Variants in DCDC1 observed in about 807,000 individuals in gnomAD.
The protein encoded by DCDC1 is doublecortin domain-containing protein 1.
Under a neutral mutation model 178.3 loss-of-function variants are expected in DCDC1, and 200 were observed. The ratio of observed to expected loss-of-function variants is 1.12; its 90% CI spans 1.00 to 1.26. DCDC1 has a LOEUF of 1.26. DCDC1 is among the 50% of genes most tolerant of loss of function. The pLI, the probability that DCDC1 is intolerant of heterozygous loss-of-function variation, is 0.00. For synonymous variants in DCDC1, 690 were observed against 604.8 expected, an observed-to-expected ratio of 1.14 and a Z score of -2.07; for missense variants, 1,983 against 1,749.2, an observed-to-expected ratio of 1.13 and a Z score of -2.38.
intron 18 of DCDC1, among the ~76,000 whole-genome samples, chr11:31,065,800 T>A (rs771129621): frequency 6.6e-6 from 1 of 152,188 alleles, no homozygotes; most frequent in Admixed American, 6.5e-5. Flanking sequence ...CATTGTTGAC[T>A]CTCATTTGGG....
At chr11:31,078,068 T>A in intron 17 of DCDC1, 143 bp from the exon 18 acceptor site, 1 of 639,140 alleles carries the variant, frequency 1.6e-6, no homozygotes, top group East Asian at 2.7e-5. Context: ...ATCACTTTTA[T>A]CTCAGCAGCT....
At chr11:31,300,696 G>T (rs938857457) in intron 6 of DCDC1, among the ~76,000 whole-genome samples, 1 of 151,978 alleles carries the variant, frequency 6.6e-6, no homozygotes, top group African/African-American at 2.4e-5. Flanking sequence ...AATAACTATA[G>T]AATATATAAA....
intron 21 of DCDC1, among the ~76,000 whole-genome samples, chr11:30,935,116 G>A (rs1001976478): frequency 6.6e-6 from 1 of 152,180 alleles, no homozygotes; most frequent in Admixed American, 6.5e-5. Flanking sequence ...GTATAGGATT[G>A]CATTCTAAAT....
At chr11:30,993,178 A>G (rs1381201273) in intron 20 of DCDC1, among the ~76,000 whole-genome samples, 1 of 152,116 alleles carries the variant, frequency 6.6e-6, no homozygotes, top group Non-Finnish European at 1.5e-5. Context: ...ATTTACTTCT[A>G]AATAACCCCT....
At chr11:31,245,225 T>C (rs1943468807) in intron 8 of DCDC1, among the ~76,000 whole-genome samples, 1 of 151,236 alleles carries the variant, frequency 6.6e-6, no homozygotes, top group African/African-American at 2.4e-5. Flanking sequence ...TTGATTTGTA[T>C]TAGTCCATAT....
intron 20 of DCDC1, among the ~76,000 whole-genome samples, chr11:31,044,759 T>C (rs554148432): frequency 4.3e-4 from 65 of 152,304 alleles, no homozygotes; most frequent in African/African-American, 1.5e-3. Flanking sequence ...AAGCCCTAAG[T>C]AGAGAATCCA....
At chr11:30,883,802 A>G (rs892101653) in intron 36 of DCDC1, among the ~76,000 whole-genome samples, 51 of 152,132 alleles carry the variant, frequency 3.4e-4, no homozygotes, top group African/African-American at 1.2e-3. Context: ...ATCACACACA[A>G]ATATTTCAGA....
chr11:31,024,630 G>T (rs573570173), intron 20 of DCDC1, among the ~76,000 whole-genome samples: 1 of 151,832 alleles, frequency 6.6e-6, no homozygotes, highest in African/African-American at 2.4e-5. Flanking sequence ...CTGGCATCCA[G>T]AGGCAGCCAC....
chr11:31,240,877 C>G (rs1039335444), intron 9 of DCDC1, among the ~76,000 whole-genome samples: 1 of 151,904 alleles, frequency 6.6e-6, no homozygotes, highest in Non-Finnish European at 1.5e-5. Context: ...CACACACATA[C>G]AAACATGAAA....
chr11:31,155,329 T>C (rs1254985039), intron 9 of DCDC1, among the ~76,000 whole-genome samples: 1 of 152,230 alleles, frequency 6.6e-6, no homozygotes, highest in African/African-American at 2.4e-5. Context: ...GGACTTACTA[T>C]GTGCCAGGCA....
At chr11:31,080,711 T>C (rs1349948299) in intron 17 of DCDC1, among the ~76,000 whole-genome samples, 1 of 152,226 alleles carries the variant, frequency 6.6e-6, no homozygotes, top group Non-Finnish European at 1.5e-5. Context: ...ATTGCTGTAA[T>C]GCTTTGATAG....
intron 17 of DCDC1, among the ~76,000 whole-genome samples, chr11:31,080,928 A>G (rs1300773942): frequency 6.6e-6 from 1 of 152,236 alleles, no homozygotes; most frequent in Non-Finnish European, 1.5e-5. Flanking sequence ...TAACCATACA[A>G]ATCTGTAAAA....
At chr11:31,081,135 G>A (rs1957144362) in intron 17 of DCDC1, among the ~76,000 whole-genome samples, 1 of 152,094 alleles carries the variant, frequency 6.6e-6, no homozygotes. Context: ...GCATGTAACA[G>A]GATATTAAAG....
At chr11:30,935,531 C>A (rs1947223863) in intron 21 of DCDC1, among the ~76,000 whole-genome samples, 1 of 151,966 alleles carries the variant, frequency 6.6e-6, no homozygotes, top group Non-Finnish European at 1.5e-5. Flanking sequence ...AGAAATGGAA[C>A]TAGCCCATGT....
chr11:31,118,551 T>G (rs1960318208), intron 11 of DCDC1, among the ~76,000 whole-genome samples: 1 of 152,050 alleles, frequency 6.6e-6, no homozygotes, highest in African/African-American at 2.4e-5. Flanking sequence ...GACGGGAACA[T>G]ATGTAGGAAA....
At chr11:31,365,258 C>G (rs780556512) in intron 1 of DCDC1, among the ~76,000 whole-genome samples, 1 of 152,104 alleles carries the variant, frequency 6.6e-6, no homozygotes, top group African/African-American at 2.4e-5. Context: ...TTTTAAAAAT[C>G]AAATAACTAG....
At chr11:30,912,472 C>G (rs1049670727) in intron 27 of DCDC1, among the ~76,000 whole-genome samples, 4 of 152,140 alleles carry the variant, frequency 2.6e-5, no homozygotes, top group African/African-American at 9.6e-5. Flanking sequence ...TTAGTAGAGA[C>G]GGGGTTTCAC....
At chr11:30,879,871 C>T (rs759103032) in intron 37 of DCDC1, among the ~76,000 whole-genome samples, 5 of 152,186 alleles carry the variant, frequency 3.3e-5, no homozygotes, top group Non-Finnish European at 7.4e-5. Context: ...GCTCAACGGA[C>T]ACAATACTGC....
At chr11:31,283,625 C>T (rs1347509445) in intron 7 of DCDC1, among the ~76,000 whole-genome samples, 1 of 152,004 alleles carries the variant, frequency 6.6e-6, no homozygotes, top group Non-Finnish European at 1.5e-5. Flanking sequence ...TTAACAAGCT[C>T]AACAAGACCT....
Sources: allele counts gnomAD v4.1 joint callset (sites outside exome capture counted in the v4.1 genomes callset), GRCh38; gene constraint gnomAD v4.1.1; transcripts MANE v1.5; gene names NCBI Gene and HGNC (gene_info 2026-07-23, HGNC 2026-07-21).